Variants in BAZ2B observed in about 807,000 individuals in gnomAD.
BAZ2B encodes bromodomain adjacent to zinc finger domain protein 2B.
In BAZ2B, 91 loss-of-function variants were observed where a neutral mutation model predicts 246.0. The observed-to-expected ratio is 0.37, with a 90% CI of 0.31 to 0.44. BAZ2B has a LOEUF of 0.44. BAZ2B is among the 20% of genes least tolerant of loss of function. BAZ2B has a pLI of 1.00. For missense variants in BAZ2B, 2,332 were observed against 2,533.7 expected (o/e 0.92, Z 1.71); for synonymous variants, 855 against 860.0 (o/e 0.99, Z 0.10).
At chr2:159,485,558 G>A (rs1191581267) in intron 2 of BAZ2B, among the ~76,000 whole-genome samples, 1 of 152,048 alleles carries the variant, frequency 6.6e-6, no homozygotes, top group East Asian at 1.9e-4. Context: ...GCAACCAGGT[G>A]TTCTGTGTGT....
chr2:159,708,593 ATTT>A, the BAZ2B span, among the ~76,000 whole-genome samples: 5 of 143,954 alleles, frequency 3.5e-5, no homozygotes, highest in African/African-American at 1.3e-4. Context: ...TTATTTATTT[ATTT>A]TGAGATAGGG....
chr2:159,414,304 T>C (rs2067285189), intron 13 of BAZ2B, among the ~76,000 whole-genome samples: 1 of 152,028 alleles, frequency 6.6e-6, no homozygotes, highest in Non-Finnish European at 1.5e-5. Flanking sequence ...GGAGTGAAGA[T>C]GGTTAATAGT....
chr2:159,471,494 G>A (rs991964745), intron 3 of BAZ2B, among the ~76,000 whole-genome samples: 8 of 152,144 alleles, frequency 5.3e-5, no homozygotes, highest in African/African-American at 1.9e-4. Context: ...GGAGGCTGAG[G>A]TTGGGGGATT....
At chr2:159,606,687 T>C (rs916313160) in intron 1 of BAZ2B, among the ~76,000 whole-genome samples, 6 of 152,194 alleles carry the variant, frequency 3.9e-5, no homozygotes, top group Non-Finnish European at 7.3e-5. Context: ...GGTTTTCTTA[T>C]GACAAATCTC....
chr2:159,444,613 A>C (rs947632293), intron 6 of BAZ2B: 2 of 152,220 alleles, frequency 1.3e-5, no homozygotes, highest in African/African-American at 4.8e-5. Context: ...AAAGTTTGAC[A>C]AAGTAGTTCT....
intron 17 of BAZ2B, 107 bp downstream of exon 17, chr2:159,400,492 C>T: frequency 2.9e-6 from 2 of 684,466 alleles, no homozygotes; most frequent in Non-Finnish European, 2.5e-6. Flanking sequence ...AAGAGAATAT[C>T]TGACAAACAA....
At chr2:159,627,640 A>C in the BAZ2B span, among the ~76,000 whole-genome samples, 1 of 152,190 alleles carries the variant, frequency 6.6e-6, no homozygotes, top group African/African-American at 2.4e-5. Context: ...AAAAACTCTC[A>C]ATGAACTAGG....
chr2:159,567,579 G>T (rs72960227), intron 1 of BAZ2B, among the ~76,000 whole-genome samples: 9,393 of 152,216 alleles, frequency 0.062, 368 homozygotes, highest in Non-Finnish European at 0.089. Context: ...AAATAAGAGG[G>T]TTTGAGAATG....
At chr2:159,457,382 C>A (rs1274298432) in intron 3 of BAZ2B, among the ~76,000 whole-genome samples, 2 of 152,144 alleles carry the variant, frequency 1.3e-5, no homozygotes. Flanking sequence ...GTGTCTAGTA[C>A]ATAACGGACA....
chr2:159,378,561 G>C (rs2149467998), intron 25 of BAZ2B, among the ~76,000 whole-genome samples: 1 of 152,086 alleles, frequency 6.6e-6, no homozygotes, highest in South Asian at 2.1e-4. Context: ...TATTTGATAA[G>C]GGGTTAATAT....
At chr2:159,426,357 C>A (rs922578837) in intron 13 of BAZ2B, among the ~76,000 whole-genome samples, 4 of 152,108 alleles carry the variant, frequency 2.6e-5, no homozygotes, top group African/African-American at 9.6e-5. Flanking sequence ...ACAAAGACAT[C>A]TTTGGCATAA....
chr2:159,566,115 G>A (rs530301830), intron 1 of BAZ2B, among the ~76,000 whole-genome samples: 121 of 152,230 alleles, frequency 7.9e-4, no homozygotes, highest in African/African-American at 2.6e-3. Context: ...AGGTTCAAGC[G>A]ATTCTCCTGC....
At position 159,349,011 on chromosome 2, in the gene BAZ2B, T is replaced by C; in HGVS notation, c.5133A>G (p.Pro1711=). The stretch of plus-strand genomic sequence containing the variant: ...AAACCATCTCAATGTACCTACCTTC[T>C]GGAATAGGTTTTGGACTAGGAAAAT... ...PVDFPSPKPI[P]EEMQFGWWRI... is the part of the protein sequence containing the mutation. Residue 1711 remains proline, a synonymous_variant, in exon 29 of 37, where the codon CCA becomes CCG. Coordinates refer to ENST00000392783, the MANE Select transcript of BAZ2B (RefSeq NM_013450.4). 6.2e-7 allele frequency: 1 copy of C among 1,613,834 alleles called. No homozygotes were observed. Among genetic ancestry groups the C allele is most frequent in the Non-Finnish European group, 8.5e-7 (1 of 1,179,782 alleles).
intron 1 of BAZ2B, among the ~76,000 whole-genome samples, chr2:159,608,117 G>A (rs1693918380): frequency 6.6e-6 from 1 of 152,242 alleles, no homozygotes; most frequent in Admixed American, 6.5e-5. Flanking sequence ...GCTCATGCCT[G>A]TAATCCCAGC....
chr2:159,395,487 T>C, intron 20 of BAZ2B: 1 of 227,260 alleles, frequency 4.4e-6, no homozygotes, highest in East Asian at 9.9e-5. Flanking sequence ...TGTGAAACTC[T>C]GGTGTGATAA....
chr2:159,400,498 A>C (rs765880163), intron 17 of BAZ2B, 101 bp downstream of exon 17: 13 of 714,352 alleles, frequency 1.8e-5, no homozygotes, highest in Non-Finnish European at 3.1e-5. Context: ...ATATCTGACA[A>C]ACAATTTGTG....
chr2:159,548,894 G>A (rs1448855347), intron 2 of BAZ2B, among the ~76,000 whole-genome samples: 1 of 152,074 alleles, frequency 6.6e-6, no homozygotes, highest in Non-Finnish European at 1.5e-5. Flanking sequence ...TCATCACTAG[G>A]TATCTAGCAC....
intron 31 of BAZ2B, among the ~76,000 whole-genome samples, chr2:159,340,009 A>T (rs549299613): frequency 1.3e-5 from 2 of 152,284 alleles, no homozygotes; most frequent in South Asian, 4.1e-4. Flanking sequence ...CATAAAGACA[A>T]TTAGACAAAA....
At chr2:159,676,410 T>C in the BAZ2B span, among the ~76,000 whole-genome samples, 1 of 152,208 alleles carries the variant, frequency 6.6e-6, no homozygotes, top group African/African-American at 2.4e-5. Flanking sequence ...ACTTCACAGC[T>C]ATTTGTATAT....
Sources: gnomAD v4.1 joint callset for allele counts (sites outside exome capture counted in the v4.1 genomes callset) on GRCh38, gnomAD v4.1.1 for gene constraint, MANE v1.5 for transcripts, NCBI Gene and HGNC (gene_info 2026-07-23, HGNC 2026-07-21) for gene names.